The following PITPNC1 variants were observed in gnomAD, a reference collection of about 807,000 sequenced individuals.
PITPNC1 encodes the protein phosphatidylinositol transfer protein cytoplasmic 1, also known as cytoplasmic phosphatidylinositol transfer protein 1.
PITPNC1 carries 18 observed loss-of-function variants against 44.7 expected under a neutral mutation model. The ratio of observed to expected loss-of-function variants is 0.40; its 90% CI spans 0.28 to 0.60. PITPNC1 has a LOEUF of 0.60. Ranked by LOEUF, PITPNC1 falls within the 20% of genes least tolerant of loss-of-function variation. The pLI, the probability that PITPNC1 is intolerant of heterozygous loss-of-function variation, is 0.39. For missense variants in PITPNC1, 290 were observed against 418.4 expected (o/e 0.69, Z 2.68); for synonymous variants, 141 against 149.6 (o/e 0.94, Z 0.42).
intron 5 of PITPNC1, chr17:67,613,789 C>CCGCAG: frequency 1.3e-5 from 2 of 150,088 alleles, no homozygotes; most frequent in Admixed American, 6.7e-5. Flanking sequence ...TACCACTGCA[C>CCGCAG]TCCAGCCTGG....
chr17:67,658,018 C>T (rs1033959670), intron 6 of PITPNC1, among the ~76,000 whole-genome samples: 1 of 152,214 alleles, frequency 6.6e-6, no homozygotes, highest in Non-Finnish European at 1.5e-5. Flanking sequence ...AAGGGCAGTC[C>T]ATGAATCAGG....
intron 1 of PITPNC1, among the ~76,000 whole-genome samples, chr17:67,443,377 T>A (rs1276774259): frequency 2.0e-5 from 3 of 151,968 alleles, no homozygotes; most frequent in Non-Finnish European, 4.4e-5. Context: ...GCTTCTTTGT[T>A]CTGTTTTCCC....
In PITPNC1 at chr17:67,695,371, T is replaced by C. The variant is rs2042992145; in HGVS notation, c.*2483T>C. ...TTCAAGTATCATTTCACATTCTCTATACATGACTTTGTTATTGTGGAATAC... is the reference window on the plus strand; with the variant it reads ...TTCAAGTATCATTTCACATTCTCTACACATGACTTTGTTATTGTGGAATAC... On this transcript the variant is annotated 3_prime_UTR_variant, in exon 9 of 9. Coordinates refer to ENST00000581322, the MANE Select transcript of PITPNC1 (RefSeq NM_012417.4). 1 of 152,064 alleles carries C rather than the reference T, an allele frequency of 6.6e-6. No individual in the cohort carries two copies. The highest frequency in any genetic ancestry group is 2.1e-4 in the South Asian group (1 of 4,830). The allele number at this position is 152,064 out of a possible 1,614,324, so 9.4% of individuals were successfully genotyped here.
Position 67,568,323 on chromosome 17 carries a change from C to T in PITPNC1, c.295-9863C>T, listed in dbSNP as rs185196015. ...AAATCTTAGAGTAGATTAGGAGTTG[C>T]GTACATTGTGGTGCTGCAGGTAGGC... On this transcript the variant is annotated intron_variant, in intron 4 of 8. Coordinates refer to ENST00000581322, the MANE Select transcript of PITPNC1 (RefSeq NM_012417.4). Among the ~76,000 whole-genome samples the T allele has an allele frequency of 1.4e-4, 22 of 152,158 alleles. No individual in the cohort carries two copies. The East Asian group carries it at 3.5e-3, about 24-fold the overall frequency.
chr17:67,654,641 G>T (rs746845446), intron 6 of PITPNC1, among the ~76,000 whole-genome samples: 2 of 151,992 alleles, frequency 1.3e-5, no homozygotes, highest in African/African-American at 4.8e-5. Context: ...GAAGTTTTTT[G>T]ATTTTTTTTG....
chr17:67,596,839 C>G (rs1018778135), intron 5 of PITPNC1, among the ~76,000 whole-genome samples: 5 of 152,204 alleles, frequency 3.3e-5, no homozygotes, highest in South Asian at 4.1e-4. Flanking sequence ...GCTCTTCCCC[C>G]TTGCTTTTCT....
chr17:67,423,376 G>A (rs1300616077), intron 1 of PITPNC1, among the ~76,000 whole-genome samples: 1 of 152,128 alleles, frequency 6.6e-6, no homozygotes, highest in Non-Finnish European at 1.5e-5. Context: ...CTTGGGAGAG[G>A]GGGATGATAT....
intron 5 of PITPNC1, among the ~76,000 whole-genome samples, chr17:67,619,484 C>G (rs1322079037): frequency 2.0e-5 from 3 of 152,116 alleles, no homozygotes; most frequent in African/African-American, 7.2e-5. Context: ...CCCAAGGACC[C>G]CCACAGGCAT....
chr17:67,456,388 T>C (rs1350498593), intron 1 of PITPNC1, among the ~76,000 whole-genome samples: 1 of 152,210 alleles, frequency 6.6e-6, no homozygotes, highest in East Asian at 1.9e-4. Context: ...AATAACCTGT[T>C]TTTTAACCAG....
chr17:67,436,700 A>G (rs1361964050), intron 1 of PITPNC1, among the ~76,000 whole-genome samples: 1 of 152,030 alleles, frequency 6.6e-6, no homozygotes, highest in East Asian at 1.9e-4. Context: ...CAACAGGGAT[A>G]AAAGTCCTGA....
rs979459228 is a variant in PITPNC1 at position 67,695,448 on chromosome 17, G to C, written c.*2560G>C. ...GAACATTAATAATTCTTAGAAGGAT[G>C]GAAGCCAAATGGCTGCATGATGGAA... is the stretch of plus-strand genomic sequence containing the variant. On this transcript the variant is annotated 3_prime_UTR_variant, in exon 9 of 9. Transcript: ENST00000581322. The C allele has an allele frequency of 1.3e-5, 2 of 151,636 alleles. No individual in the cohort carries two copies. The highest frequency in any genetic ancestry group is 2.4e-5 in the African/African-American group (1 of 41,266). The allele number at this position is 151,636 out of a possible 1,614,324, so 9.4% of individuals were successfully genotyped here. A position where few individuals can be genotyped will look rare whatever the true frequency, so the allele number is the denominator to read the frequency against.
At chr17:67,614,566 G>C in intron 5 of PITPNC1, among the ~76,000 whole-genome samples, 1 of 151,700 alleles carries the variant, frequency 6.6e-6, no homozygotes, top group Non-Finnish European at 1.5e-5. Flanking sequence ...CAGCTACTCG[G>C]GAGGCTGAGG....
chr17:67,380,120 G>T (rs1456235015), intron 1 of PITPNC1, among the ~76,000 whole-genome samples: 1 of 151,132 alleles, frequency 6.6e-6, no homozygotes, highest in Non-Finnish European at 1.5e-5. Flanking sequence ...TGTTGCCCAG[G>T]GTGGGGCGCA....
intron 1 of PITPNC1, among the ~76,000 whole-genome samples, chr17:67,469,593 C>T (rs530076661): frequency 2.6e-5 from 4 of 152,260 alleles, no homozygotes; most frequent in African/African-American, 9.6e-5. Context: ...TGACAGCAGC[C>T]GTCAGACCCG....
chr17:67,556,121 G>A (rs1406978368), intron 4 of PITPNC1, among the ~76,000 whole-genome samples: 3 of 152,178 alleles, frequency 2.0e-5, no homozygotes, highest in African/African-American at 7.2e-5. Context: ...CAGAGATTCA[G>A]ACCTCAGCAG....
At chr17:67,547,879 T>C (rs1049064262) in intron 2 of PITPNC1, among the ~76,000 whole-genome samples, 4 of 152,210 alleles carry the variant, frequency 2.6e-5, no homozygotes, top group Admixed American at 2.0e-4. Flanking sequence ...TTGGGGAATT[T>C]ATGACATGAG....
At chr17:67,666,613 G>T (rs531780603) in intron 6 of PITPNC1, among the ~76,000 whole-genome samples, 1 of 152,306 alleles carries the variant, frequency 6.6e-6, no homozygotes, top group East Asian at 1.9e-4. Flanking sequence ...TTACATCTGG[G>T]AGGCCACCGT....
At chr17:67,488,189 C>G (rs923649613) in intron 1 of PITPNC1, among the ~76,000 whole-genome samples, 1 of 152,188 alleles carries the variant, frequency 6.6e-6, no homozygotes, top group African/African-American at 2.4e-5. Context: ...TCTCAACTGA[C>G]AAATAAGCGG....
intron 5 of PITPNC1, among the ~76,000 whole-genome samples, chr17:67,599,303 C>A (rs1178107158): frequency 6.6e-6 from 1 of 151,672 alleles, no homozygotes; most frequent in Admixed American, 6.6e-5. Flanking sequence ...AGTGAAATAA[C>A]CGGTAGGGAA....
Sources: gnomAD v4.1 joint callset for allele counts (sites outside exome capture counted in the v4.1 genomes callset) on GRCh38, gnomAD v4.1.1 for gene constraint, MANE v1.5 for transcripts, NCBI Gene and HGNC (gene_info 2026-07-23, HGNC 2026-07-21) for gene names.